SOX5: variants seen among roughly 807,000 people sequenced by gnomAD.
The protein encoded by SOX5 is SRY-box transcription factor 5.
In SOX5, 9 loss-of-function variants were observed where a neutral mutation model predicts 92.0. The observed-to-expected ratio is 0.10, with a 90% CI of 0.06 to 0.17. The LOEUF (loss-of-function observed/expected upper bound fraction) is 0.17. Among genes scored for constraint, SOX5 ranks in the 10% least tolerant of loss-of-function variants. The probability of loss-of-function intolerance (pLI) is 1.00; values close to 1 mark genes in which losing one functional copy is unlikely to be tolerated. For synonymous variants in SOX5, 344 were observed against 336.3 expected (o/e 1.02, Z -0.25); for missense variants, 642 against 944.5 (o/e 0.68, Z 4.20).
chr12:24,157,780 T>C (rs371290595), intron 4 of SOX5, among the ~76,000 whole-genome samples: 52 of 152,228 alleles, frequency 3.4e-4, no homozygotes, highest in Non-Finnish European at 1.3e-4. Context: ...CCAGTATTTA[T>C]GGCATTAAAA....
intron 1 of SOX5, among the ~76,000 whole-genome samples, chr12:23,936,855 T>G (rs1942679270): frequency 6.6e-6 from 1 of 151,044 alleles, no homozygotes; most frequent in African/African-American, 2.4e-5. Flanking sequence ...ACATTCTTTC[T>G]TTGAACCTAT....
chr12:24,252,611 G>C (rs1940326519), intron 3 of SOX5, among the ~76,000 whole-genome samples: 1 of 150,554 alleles, frequency 6.6e-6, no homozygotes, highest in East Asian at 2.0e-4. Context: ...TTTTATTCTT[G>C]TAAGTCTGCA....
intron 1 of SOX5, among the ~76,000 whole-genome samples, chr12:24,407,059 A>G (rs1963123762): frequency 1.3e-5 from 2 of 151,958 alleles, no homozygotes; most frequent in Admixed American, 1.3e-4. Flanking sequence ...ATAACACAGG[A>G]GCTGCTGAAC....
intron 4 of SOX5, among the ~76,000 whole-genome samples, chr12:24,203,517 C>T (rs1366789231): frequency 6.6e-6 from 1 of 152,194 alleles, no homozygotes; most frequent in African/African-American, 2.4e-5. Context: ...ACTCCCATTT[C>T]ATTATTTGTA....
chr12:24,139,613 C>T (rs759168127), intron 4 of SOX5, among the ~76,000 whole-genome samples: 6 of 152,248 alleles, frequency 3.9e-5, no homozygotes, highest in South Asian at 4.2e-4. Context: ...TTGCAAAGAA[C>T]GGACCGCTTC....
At chr12:24,205,947 C>CA (rs1176738590) in intron 4 of SOX5, among the ~76,000 whole-genome samples, 2 of 152,146 alleles carry the variant, frequency 1.3e-5, no homozygotes, top group Non-Finnish European at 2.9e-5. Flanking sequence ...TCTGTGTTTG[C>CA]AAGTCAAGTC....
At chr12:23,544,863 C>G (rs1942812846) in intron 12 of SOX5, among the ~76,000 whole-genome samples, 1 of 152,190 alleles carries the variant, frequency 6.6e-6, no homozygotes, top group Non-Finnish European at 1.5e-5. Context: ...TTGTAACTAG[C>G]AAGTGATCAT....
chr12:23,836,168 C>T (rs942383352), intron 3 of SOX5, among the ~76,000 whole-genome samples: 19 of 151,838 alleles, frequency 1.3e-4, no homozygotes, highest in African/African-American at 4.1e-4. Context: ...TGTCACATAA[C>T]GTCATATTAA....
chr12:24,108,681 C>A (rs1015287475), intron 4 of SOX5, among the ~76,000 whole-genome samples: 5 of 152,058 alleles, frequency 3.3e-5, no homozygotes, highest in African/African-American at 1.2e-4. Flanking sequence ...CAGAAAAATT[C>A]TCAAACATGA....
chr12:24,183,627 G>T (rs910800011), intron 4 of SOX5, among the ~76,000 whole-genome samples: 4 of 151,960 alleles, frequency 2.6e-5, no homozygotes, highest in African/African-American at 4.8e-5. Context: ...TCAATATATG[G>T]AAGGTTAGAA....
intron 1 of SOX5, among the ~76,000 whole-genome samples, chr12:24,528,618 C>T (rs1950918061): frequency 6.6e-6 from 1 of 152,172 alleles, no homozygotes; most frequent in East Asian, 1.9e-4. Flanking sequence ...TGTAGGTGGC[C>T]AAATGGTAGC....
intron 4 of SOX5, among the ~76,000 whole-genome samples, chr12:24,106,893 A>G (rs1313475595): frequency 2.6e-5 from 4 of 151,414 alleles, no homozygotes; most frequent in African/African-American, 7.3e-5. Flanking sequence ...GAAATACCCT[A>G]AAAGAGATTA....
chr12:24,187,013 A>T (rs1202951313), intron 4 of SOX5, among the ~76,000 whole-genome samples: 2 of 152,178 alleles, frequency 1.3e-5, no homozygotes, highest in Non-Finnish European at 2.9e-5. Flanking sequence ...GAAAAGTTTA[A>T]TAAGACCACC....
At chr12:24,085,870 T>C (rs1943927706) in intron 4 of SOX5, among the ~76,000 whole-genome samples, 1 of 151,264 alleles carries the variant, frequency 6.6e-6, no homozygotes, top group Non-Finnish European at 1.5e-5. Context: ...AAATAAAAGC[T>C]TACACAGCAC....
intron 3 of SOX5, among the ~76,000 whole-genome samples, chr12:24,216,764 C>A (rs948371705): frequency 3.9e-5 from 6 of 152,012 alleles, no homozygotes; most frequent in African/African-American, 1.4e-4. Flanking sequence ...CCCATCTCTA[C>A]CAAAAATACA....
intron 1 of SOX5, among the ~76,000 whole-genome samples, chr12:24,468,111 G>T (rs1247787671): frequency 6.6e-6 from 1 of 152,194 alleles, no homozygotes; most frequent in East Asian, 1.9e-4. Context: ...AGCTTGAGTT[G>T]TCAGGACTTG....
At chr12:24,046,695 C>T in intron 4 of SOX5, among the ~76,000 whole-genome samples, 1 of 113,226 alleles carries the variant, frequency 8.8e-6, no homozygotes, top group Non-Finnish European at 1.8e-5. Context: ...TTTTTTGAGA[C>T]AGAGTCTTGC....
intron 8 of SOX5, among the ~76,000 whole-genome samples, chr12:23,618,566 A>C (rs1452935445): frequency 2.0e-5 from 3 of 152,196 alleles, no homozygotes; most frequent in Non-Finnish European, 4.4e-5. Context: ...GAAACACATA[A>C]GGGGAGGAAG....
At chr12:24,027,535 C>T (rs1408296232) in intron 4 of SOX5, among the ~76,000 whole-genome samples, 2 of 151,906 alleles carry the variant, frequency 1.3e-5, no homozygotes, top group Admixed American at 1.3e-4. Flanking sequence ...ATGCCATGCC[C>T]ACATCACTCC....
Sources: allele counts gnomAD v4.1 joint callset (sites outside exome capture counted in the v4.1 genomes callset), GRCh38; gene constraint gnomAD v4.1.1; transcripts MANE v1.5; gene names NCBI Gene and HGNC (gene_info 2026-07-23, HGNC 2026-07-21).